ZNF493: variants seen among roughly 807,000 people sequenced by gnomAD.
ZNF493 encodes the protein zinc finger protein 493.
In ZNF493, 11 loss-of-function variants were observed where a neutral mutation model predicts 12.2. The observed-to-expected ratio is 0.90, with a 90% confidence interval of 0.57 to 1.50. The LOEUF is 1.50. Among genes scored for constraint, ZNF493 ranks in the 40% most tolerant of loss-of-function variants. The pLI is 0.00. For missense variants in ZNF493, 950 were observed against 906.6 expected (o/e 1.05, Z -0.61); for synonymous variants, 286 against 302.6 (o/e 0.95, Z 0.57).
In ZNF493 at chr19:21,405,574, G is replaced by A. The variant is rs1221405293; in HGVS notation, c.158-187G>A. 5.0e-6 allele frequency: 6 copies of A among 1,205,572 alleles called. No individual in the cohort carries two copies. In the South Asian group the frequency reaches 1.0e-4, roughly 21 times the overall value. 74.7% of individuals were successfully genotyped at this position (1,205,572 alleles called of 1,614,324 possible). ...CACTAATTTTTTATCCATGAATACT[G>A]GGTGGCAAAATTAAGCACCTACAAA... On this transcript the variant is annotated intron_variant, in intron 2 of 3. Transcript: ENST00000392288.
At chr19:21,411,756 G>A (rs11667770) in intron 3 of ZNF493, among the ~76,000 whole-genome samples, 82,810 of 149,134 alleles carry the variant, frequency 0.56, 23,180 homozygotes, top group Middle Eastern at 0.67. Context: ...CAATAAAACT[G>A]TGCTATTGTA....
chr19:21,421,362 T>TTTTTA (rs982500371), intron 3 of ZNF493, among the ~76,000 whole-genome samples: 1 of 152,124 alleles, frequency 6.6e-6, no homozygotes, highest in African/African-American at 2.4e-5. Context: ...CTTCCTCAAA[T>TTTTTA]TTTTATTTTA....
rs374540483 is a variant in ZNF493 at position 21,423,717 on chromosome 19, A to G, written c.1058A>G (p.Glu353Gly). ...HTEEKSHRCE[E>G]YCKAYKESSH... is the part of the protein sequence containing the mutation. The stretch of plus-strand genomic sequence containing the variant: ...GAAGAGAAATCCCACAGATGTGAAG[A>G]ATATTGCAAAGCTTATAAGGAGTCC... Residue 353 changes from glutamate (E) to glycine (G), a missense_variant, in exon 4 of 4, where the codon GAA becomes GGA. Transcript: ENST00000392288. The G allele has an allele frequency of 1.2e-6, 2 of 1,613,744 alleles. No individual in the cohort carries two copies. Among genetic ancestry groups the G allele is most frequent in the Admixed American group, 1.7e-5 (1 of 59,990 alleles).
At chr19:21,416,994 AG>A (rs1448061974) in intron 3 of ZNF493, among the ~76,000 whole-genome samples, 1 of 152,146 alleles carries the variant, frequency 6.6e-6, no homozygotes, top group Non-Finnish European at 1.5e-5. Context: ...TGGCACTACC[AG>A]CTGTGGCGGG....
At chr19:21,401,816 G>C (rs1568376608) in intron 1 of ZNF493, among the ~76,000 whole-genome samples, 1 of 151,726 alleles carries the variant, frequency 6.6e-6, no homozygotes, top group Non-Finnish European at 1.5e-5. Context: ...GTAGAGATGG[G>C]GTTTCACCAT....
intron 3 of ZNF493, among the ~76,000 whole-genome samples, chr19:21,419,288 A>T (rs2650844): frequency 0.18 from 26,051 of 146,358 alleles, 2,518 homozygotes; most frequent in Non-Finnish European, 0.22. Context: ...GTGTTCAGCA[A>T]ACTACAACTT....
intron 2 of ZNF493, chr19:21,405,485 T>A (rs1473983009): frequency 2.2e-6 from 3 of 1,349,804 alleles, no homozygotes; most frequent in African/African-American, 1.5e-5. Flanking sequence ...TCTACAGTAG[T>A]GGTAATTTCA....
chr19:21,412,037 C>A, intron 3 of ZNF493: 1 of 152,114 alleles, frequency 6.6e-6, no homozygotes, highest in South Asian at 2.1e-4. Flanking sequence ...GAGACCAGCT[C>A]AGTCGGGGAG....
intron 3 of ZNF493, among the ~76,000 whole-genome samples, chr19:21,416,445 ATAAC>A: frequency 6.6e-6 from 1 of 152,338 alleles, no homozygotes; most frequent in South Asian, 2.1e-4. Flanking sequence ...AATGTAAAAT[ATAAC>A]TACTTCGATA....
At chr19:21,403,303 G>A (rs2030007079) in intron 1 of ZNF493, among the ~76,000 whole-genome samples, 1 of 152,240 alleles carries the variant, frequency 6.6e-6, no homozygotes, top group South Asian at 2.1e-4. Context: ...CTAAAAGGTG[G>A]TCACAGGAAC....
At chr19:21,411,439 G>A (rs543136100) in intron 3 of ZNF493, among the ~76,000 whole-genome samples, 12 of 152,230 alleles carry the variant, frequency 7.9e-5, no homozygotes, top group African/African-American at 2.4e-4. Flanking sequence ...TGTTAAGCAG[G>A]TTGGGTGCGC....
At chr19:21,405,093 T>C in intron 1 of ZNF493, 36 bp from the exon 2 acceptor site, 2 of 1,589,428 alleles carry the variant, frequency 1.3e-6, no homozygotes, top group South Asian at 2.3e-5. Flanking sequence ...TGTAAATGTG[T>C]GTGTGTGTGT....
chr19:21,423,994 C>T lies in ZNF493; in HGVS notation c.1335C>T (p.Phe445=). The change falls in exon 4 of 4, where the codon TTC becomes TTT. Residue 445 remains phenylalanine, a synonymous_variant. Coordinates refer to ENST00000392288, the MANE Select transcript of ZNF493 (RefSeq NM_001076678.3). ...CEECGKTFSV[F]SILTKHKIIH... Reference sequence around the variant, plus strand: ...AATGTGGCAAAACCTTTAGTGTATTCTCAATTCTTACTAAACATAAAATAA... The same window carrying T: ...AATGTGGCAAAACCTTTAGTGTATTTTCAATTCTTACTAAACATAAAATAA... 1 of 1,612,234 alleles carries T rather than the reference C, an allele frequency of 6.2e-7. No homozygotes were observed. Among genetic ancestry groups the T allele is most frequent in the Non-Finnish European group, 8.5e-7 (1 of 1,179,472 alleles).
In ZNF493 at chr19:21,427,275, A is replaced by C. The variant is rs2030878087; in HGVS notation, c.*2291A>C. On this transcript the variant is annotated 3_prime_UTR_variant, in exon 4 of 4. Transcript: ENST00000392288. ...TTATGAGAAAACTAGTATATTATTCATATATTTTACTAATTGTACTTTTTT... is the reference window on the plus strand; with the variant it reads ...TTATGAGAAAACTAGTATATTATTCCTATATTTTACTAATTGTACTTTTTT... 6.0e-6 allele frequency: 1 copy of C among 166,804 alleles called. No homozygotes were observed. The highest frequency in any genetic ancestry group is 6.5e-5 in the Admixed American group (1 of 15,280). The allele number at this position is 166,804 out of a possible 1,614,324, so 10.3% of individuals were successfully genotyped here.
At chr19:21,397,500 G>T in intron 1 of ZNF493, 1 of 617,950 alleles carries the variant, frequency 1.6e-6, no homozygotes. Flanking sequence ...GCCCTGCCTG[G>T]AGTCCTCTCT....
chr19:21,421,902 G>A (rs946740638), intron 3 of ZNF493, among the ~76,000 whole-genome samples: 1 of 151,836 alleles, frequency 6.6e-6, no homozygotes, highest in African/African-American at 2.4e-5. Flanking sequence ...CAGGAGTGCA[G>A]TGGCACGATC....
Position 21,424,123 on chromosome 19 carries a change from C to T in ZNF493, c.1464C>T (p.Pro488=), listed in dbSNP as rs770881543. The change falls in exon 4 of 4, where the codon CCC becomes CCT. Residue 488 remains proline (P), a synonymous_variant. Coordinates refer to ENST00000392288, the MANE Select transcript of ZNF493 (RefSeq NM_001076678.3). The stretch of plus-strand genomic sequence containing the variant: ...GGATAATTCATACTGAAGAGAAACC[C>T]TACAAATGTGAAGAATGTGGCAAAG... The part of the protein sequence containing the change: ...KHRIIHTEEK[P]YKCEECGKAF... The T allele has an allele frequency of 4.3e-6, 7 of 1,613,456 alleles. No individual in the cohort carries two copies. The highest frequency in any genetic ancestry group is 1.3e-5 in the African/African-American group (1 of 74,870).
intron 3 of ZNF493, chr19:21,407,491 G>A (rs185810844): frequency 2.7e-5 from 7 of 258,752 alleles, no homozygotes; most frequent in Non-Finnish European, 3.6e-5. Context: ...GGGTTTCACC[G>A]TTTTAGCCAG....
chr19:21,406,957 T>C (rs2030151814), intron 3 of ZNF493, among the ~76,000 whole-genome samples: 1 of 152,142 alleles, frequency 6.6e-6, no homozygotes, highest in East Asian at 1.9e-4. Flanking sequence ...GTGTCTTGCC[T>C]AATTCCTTTT....
Sources: gnomAD v4.1 joint callset for allele counts (sites outside exome capture counted in the v4.1 genomes callset) on GRCh38, gnomAD v4.1.1 for gene constraint, MANE v1.5 for transcripts, NCBI Gene and HGNC (gene_info 2026-07-23, HGNC 2026-07-21) for gene names.